CACNA2D1: variants seen among roughly 807,000 people sequenced by gnomAD.
CACNA2D1 encodes calcium voltage-gated channel auxiliary subunit alpha2delta 1, also known as voltage-dependent calcium channel subunit alpha-2/delta-1.
Under a neutral mutation model 171.5 loss-of-function variants are expected in CACNA2D1, and 53 were observed. The observed-to-expected ratio is 0.31, with a 90% confidence interval of 0.25 to 0.39. The LOEUF (loss-of-function observed/expected upper bound fraction) is 0.39. CACNA2D1 is among the 10% of genes least tolerant of loss of function. CACNA2D1 has a pLI of 1.00. For synonymous variants in CACNA2D1, 442 were observed against 443.1 expected (o/e 1.00, Z 0.03); for missense variants, 903 against 1,299.8 (o/e 0.69, Z 4.69).
intron 2 of CACNA2D1, chr7:82,342,970 A>G (rs1284439835): frequency 1.3e-5 from 2 of 152,212 alleles, no homozygotes; most frequent in Non-Finnish European, 2.9e-5. Flanking sequence ...CAATTAGTAC[A>G]TAGGAAGAAT....
At chr7:82,157,231 G>C (rs1208708710) in intron 4 of CACNA2D1, among the ~76,000 whole-genome samples, 3 of 152,060 alleles carry the variant, frequency 2.0e-5, no homozygotes, top group Non-Finnish European at 4.4e-5. Flanking sequence ...GACATTTTCA[G>C]AATACTGTGA....
chr7:82,300,689 A>G (rs1227453080), intron 3 of CACNA2D1, among the ~76,000 whole-genome samples: 2 of 152,138 alleles, frequency 1.3e-5, no homozygotes, highest in Non-Finnish European at 2.9e-5. Context: ...AAATTAGAAT[A>G]CTTAGAATAG....
At chr7:82,105,846 C>T (rs1484794462) in intron 6 of CACNA2D1, among the ~76,000 whole-genome samples, 2 of 152,180 alleles carry the variant, frequency 1.3e-5, no homozygotes, top group Admixed American at 6.5e-5. Context: ...TGAACATCCA[C>T]ACATGTTCCA....
intron 3 of CACNA2D1, among the ~76,000 whole-genome samples, chr7:82,296,210 A>G (rs1395217327): frequency 4.3e-4 from 65 of 152,062 alleles, no homozygotes; most frequent in Admixed American, 2.4e-3. Context: ...GTATACATAT[A>G]TAACTAACCT....
Position 81,995,817 on chromosome 7 carries a change from A to T in CACNA2D1, c.1663-878T>A, listed in dbSNP as rs530927503. On this transcript the variant is annotated intron_variant, in intron 19 of 38. Coordinates refer to ENST00000356860, the MANE Select transcript of CACNA2D1 (RefSeq NM_000722.4). ...CCACCTCAAAAAAAAAAAAAAAAAA[A>T]AGTGCAAGGTTACATTATCCACTAA... is the stretch of plus-strand genomic sequence containing the variant. 9.5e-3 allele frequency among the ~76,000 whole-genome samples: 1,366 copies of T among 143,202 alleles called. 20 individuals carry two copies. The highest frequency in any genetic ancestry group is 0.034 in the African/African-American group (1,299 of 38,134). 93.9% of individuals were successfully genotyped at this position (143,202 alleles called of 152,430 possible). A position where few individuals can be genotyped will look rare whatever the true frequency, so the allele number is the denominator to read the frequency against.
At chr7:82,366,292 G>T (rs938954488) in intron 1 of CACNA2D1, among the ~76,000 whole-genome samples, 1 of 152,176 alleles carries the variant, frequency 6.6e-6, no homozygotes, top group Non-Finnish European at 1.5e-5. Flanking sequence ...GTGTAATGCT[G>T]AATTCAGTCT....
At chr7:82,433,337 T>A (rs2129459060) in intron 1 of CACNA2D1, among the ~76,000 whole-genome samples, 1 of 151,958 alleles carries the variant, frequency 6.6e-6, no homozygotes, top group African/African-American at 2.4e-5. Flanking sequence ...CAAACTGGAG[T>A]CTTGTTACTA....
At chr7:81,970,619 T>C in intron 27 of CACNA2D1, 56 bp downstream of exon 27, 1 of 926,550 alleles carries the variant, frequency 1.1e-6, no homozygotes, top group Non-Finnish European at 1.8e-6. Flanking sequence ...AATGTACAAA[T>C]CCTTGGCGCA....
intron 6 of CACNA2D1, among the ~76,000 whole-genome samples, chr7:82,112,056 AG>A (rs1450873126): frequency 6.6e-6 from 1 of 152,166 alleles, no homozygotes; most frequent in African/African-American, 2.4e-5. Flanking sequence ...AATCATTATA[AG>A]AAAAAATAAA....
intron 3 of CACNA2D1, among the ~76,000 whole-genome samples, chr7:82,237,457 C>A (rs1007491483): frequency 6.6e-6 from 1 of 151,850 alleles, no homozygotes; most frequent in African/African-American, 2.4e-5. Context: ...TACCTCCAAT[C>A]TTCTGTGATT....
chr7:82,117,445 G>A (rs1789203415), intron 5 of CACNA2D1, among the ~76,000 whole-genome samples: 1 of 152,142 alleles, frequency 6.6e-6, no homozygotes, highest in Admixed American at 6.6e-5. Flanking sequence ...GGGGGACGAG[G>A]GAGACCAGAC....
chr7:82,101,875 A>G (rs1416525218), intron 6 of CACNA2D1, among the ~76,000 whole-genome samples: 2 of 152,178 alleles, frequency 1.3e-5, no homozygotes, highest in South Asian at 2.1e-4. Flanking sequence ...TAAGTGGTGT[A>G]ACTGTATCAG....
At chr7:82,072,392 C>T (rs912533657) in intron 7 of CACNA2D1, among the ~76,000 whole-genome samples, 1 of 151,936 alleles carries the variant, frequency 6.6e-6, no homozygotes, top group African/African-American at 2.4e-5. Context: ...GTCTGCTTCA[C>T]TGTATTGCTC....
chr7:82,104,415 T>C (rs1813066153), intron 6 of CACNA2D1, among the ~76,000 whole-genome samples: 1 of 152,048 alleles, frequency 6.6e-6, no homozygotes. Context: ...AGTCACCTCA[T>C]ACATGTTTTC....
At chr7:82,208,885 T>A (rs1219245118) in intron 3 of CACNA2D1, among the ~76,000 whole-genome samples, 1 of 152,180 alleles carries the variant, frequency 6.6e-6, no homozygotes, top group African/African-American at 2.4e-5. Flanking sequence ...CTTAACTAGC[T>A]TGATTTAGCC....
chr7:82,259,994 G>A (rs1229719977), intron 3 of CACNA2D1, among the ~76,000 whole-genome samples: 5 of 152,086 alleles, frequency 3.3e-5, no homozygotes, highest in Admixed American at 1.3e-4. Context: ...AGGCTGAGGC[G>A]AGTAAACCAC....
At chr7:81,957,616 G>C (rs1793566963) in intron 38 of CACNA2D1, among the ~76,000 whole-genome samples, 1 of 152,068 alleles carries the variant, frequency 6.6e-6, no homozygotes, top group Admixed American at 6.6e-5. Context: ...TACAAGATGA[G>C]ATTTCATGCA....
chr7:81,975,805 T>TGTACATAGTAGA (rs991480128), intron 24 of CACNA2D1, among the ~76,000 whole-genome samples: 4 of 8,974 alleles, frequency 4.5e-4, no homozygotes, highest in African/African-American at 2.8e-3. Flanking sequence ...GAATGAATCA[T>TGTACATAGTAGA]GTATACAACT....
chr7:82,036,921 A>C (rs7357243), intron 11 of CACNA2D1, among the ~76,000 whole-genome samples: 2,269 of 152,206 alleles, frequency 0.015, 70 homozygotes, highest in African/African-American at 0.052. Context: ...AATACCACCC[A>C]GCAACCTACA....
Sources: allele counts gnomAD v4.1 joint callset (sites outside exome capture counted in the v4.1 genomes callset), GRCh38; gene constraint gnomAD v4.1.1; transcripts MANE v1.5; gene names NCBI Gene and HGNC (gene_info 2026-07-23, HGNC 2026-07-21).